The following RAPGEF2 variants were observed in gnomAD, a reference collection of about 807,000 sequenced individuals.
RAPGEF2 encodes PDZ domain containing guanine nucleotide exchange factor (GEF) 1.
RAPGEF2 carries 54 observed loss-of-function variants against 186.7 expected under a neutral mutation model. The ratio of observed to expected loss-of-function variants is 0.29; its 90% confidence interval spans 0.23 to 0.36. RAPGEF2 has a LOEUF of 0.36. RAPGEF2 is among the 10% of genes least tolerant of loss of function. RAPGEF2 has a pLI of 1.00. For missense variants in RAPGEF2, 1,532 were observed against 2,045.0 expected, an observed-to-expected ratio of 0.75 and a Z score of 4.84; for synonymous variants, 712 against 705.9, an observed-to-expected ratio of 1.01 and a Z score of -0.14.
chr4:159,316,880 C>A (rs968549475), intron 9 of RAPGEF2, among the ~76,000 whole-genome samples: 1 of 152,150 alleles, frequency 6.6e-6, no homozygotes, highest in Non-Finnish European at 1.5e-5. Context: ...GTATGCCTCC[C>A]AGACTCTGCC....
At chr4:159,152,364 A>G (rs767803808) in intron 1 of RAPGEF2, among the ~76,000 whole-genome samples, 27 of 152,196 alleles carry the variant, frequency 1.8e-4, no homozygotes, top group Non-Finnish European at 5.9e-5. Flanking sequence ...TTTCTTCTCT[A>G]GTCTGTAAAT....
intron 8 of RAPGEF2, among the ~76,000 whole-genome samples, chr4:159,305,124 A>G (rs1763127280): frequency 6.6e-6 from 1 of 152,222 alleles, no homozygotes; most frequent in Non-Finnish European, 1.5e-5. Context: ...TATTGTGAAT[A>G]GTGCTGCAAT....
intron 7 of RAPGEF2, chr4:159,267,100 G>C: frequency 8.6e-7 from 1 of 1,165,762 alleles, no homozygotes; most frequent in South Asian, 1.4e-5. Flanking sequence ...GGGAGGGTGA[G>C]AGAGAAATCC....
At chr4:159,305,733 G>A (rs1763200710) in intron 8 of RAPGEF2, among the ~76,000 whole-genome samples, 1 of 152,064 alleles carries the variant, frequency 6.6e-6, no homozygotes, top group African/African-American at 2.4e-5. Context: ...TCTTACTCCT[G>A]AATTATTTGC....
intron 4 of RAPGEF2, among the ~76,000 whole-genome samples, chr4:159,222,426 A>G (rs191298004): frequency 1.3e-5 from 2 of 152,358 alleles, no homozygotes; most frequent in East Asian, 1.9e-4. Flanking sequence ...GATCCTTGCT[A>G]TAAATGAGTG....
At chr4:159,226,849 C>A (rs762883912) in intron 4 of RAPGEF2, among the ~76,000 whole-genome samples, 9 of 152,148 alleles carry the variant, frequency 5.9e-5, no homozygotes, top group Non-Finnish European at 8.8e-5. Context: ...ACTTACAGAA[C>A]AAGTATGGGC....
At chr4:159,106,109 A>G (rs1737847765) in intron 1 of RAPGEF2, among the ~76,000 whole-genome samples, 1 of 152,244 alleles carries the variant, frequency 6.6e-6, no homozygotes, top group Non-Finnish European at 1.5e-5. Flanking sequence ...AACTGACCCA[A>G]CACAGAACTT....
intron 4 of RAPGEF2, among the ~76,000 whole-genome samples, chr4:159,238,043 G>A (rs1307098105): frequency 6.6e-6 from 1 of 151,372 alleles, no homozygotes; most frequent in Non-Finnish European, 1.5e-5. Context: ...TTAACTGGAA[G>A]GAAAGATTTT....
chr4:159,350,922 T>C, intron 26 of RAPGEF2: 1 of 1,059,286 alleles, frequency 9.4e-7, no homozygotes. Context: ...CTTAATACAT[T>C]GTTAAATTTC....
chr4:159,356,197 A>G, intron 29 of RAPGEF2, 39 bp downstream of exon 29: 1 of 1,573,656 alleles, frequency 6.4e-7, no homozygotes, highest in South Asian at 1.2e-5. Flanking sequence ...TCCAAGTTAG[A>G]TGTGTTCACT....
intron 17 of RAPGEF2, among the ~76,000 whole-genome samples, chr4:159,337,446 C>T (rs1767582344): frequency 1.3e-5 from 2 of 152,148 alleles, no homozygotes; most frequent in African/African-American, 4.8e-5. Context: ...CATTCTGATG[C>T]AGAACTATCA....
At chr4:159,354,093 T>C in intron 28 of RAPGEF2, 47 bp downstream of exon 28, 7 of 1,468,756 alleles carry the variant, frequency 4.8e-6, no homozygotes, top group Non-Finnish European at 6.4e-6. Flanking sequence ...ATCATGTCTT[T>C]AATGTAACTT....
chr4:159,254,452 C>G (rs1437264782), intron 7 of RAPGEF2, among the ~76,000 whole-genome samples: 1 of 152,130 alleles, frequency 6.6e-6, no homozygotes, highest in Non-Finnish European at 1.5e-5. Flanking sequence ...ATTTGATTCA[C>G]TGGTTTTTCA....
chr4:159,136,850 T>C (rs1421584340), intron 1 of RAPGEF2, among the ~76,000 whole-genome samples: 1 of 152,160 alleles, frequency 6.6e-6, no homozygotes. Flanking sequence ...TTTTTGGAAA[T>C]GTATAGACAT....
At chr4:159,112,540 G>A (rs1369369251) in intron 1 of RAPGEF2, among the ~76,000 whole-genome samples, 1 of 152,144 alleles carries the variant, frequency 6.6e-6, no homozygotes, top group Admixed American at 6.5e-5. Context: ...AATCATGACA[G>A]TAACGGACTA....
At chr4:159,240,367 C>T (rs540675155) in intron 5 of RAPGEF2, among the ~76,000 whole-genome samples, 4 of 108,288 alleles carry the variant, frequency 3.7e-5, no homozygotes, top group African/African-American at 1.6e-4. Flanking sequence ...GGAGTCTTGT[C>T]GTGTTGTCTA....
At chr4:159,208,889 ATT>A (rs113496003) in intron 3 of RAPGEF2, among the ~76,000 whole-genome samples, 32 of 147,802 alleles carry the variant, frequency 2.2e-4, no homozygotes, top group African/African-American at 7.7e-4. Context: ...AAATCTCACA[ATT>A]TTTTTTTTTG....
intron 1 of RAPGEF2, among the ~76,000 whole-genome samples, chr4:159,163,979 A>G (rs997662425): frequency 1.3e-5 from 2 of 152,160 alleles, no homozygotes; most frequent in African/African-American, 4.8e-5. Context: ...TTGGGTAGAT[A>G]ATGATAACAT....
At position 159,277,246 on chromosome 4, in the gene RAPGEF2, C is replaced by T. The variant is rs368999908; in HGVS notation, c.544-27096C>T. 1.6e-4 allele frequency among the ~76,000 whole-genome samples: 24 copies of T among 152,272 alleles called. 2 individuals carry two copies. The highest frequency in any genetic ancestry group is 9.6e-4 in the East Asian group (5 of 5,182). On this transcript the variant is annotated intron_variant, in intron 7 of 29. Coordinates refer to ENST00000691494, the MANE Select transcript of RAPGEF2 (RefSeq NM_001394067.2). ...GCTTCATCCATGTCCCTACAAAGGA[C>T]ATGAACTCATCATTTTTTATGGCTA...
Sources: gnomAD v4.1 joint callset for allele counts (sites outside exome capture counted in the v4.1 genomes callset) on GRCh38, gnomAD v4.1.1 for gene constraint, MANE v1.5 for transcripts, NCBI Gene and HGNC (gene_info 2026-07-23, HGNC 2026-07-21) for gene names.